Variants in PYGM observed in about 807,000 individuals in gnomAD.
The protein encoded by PYGM is glycogen phosphorylase, muscle form.
In PYGM, 81 loss-of-function variants were observed where a neutral mutation model predicts 99.3. The ratio of observed to expected loss-of-function variants is 0.82; its 90% CI spans 0.68 to 0.98. The LOEUF (loss-of-function observed/expected upper bound fraction) is 0.98, where lower values mean the gene tolerates loss of function less well. Ranked by LOEUF, PYGM falls within the 50% of genes least tolerant of loss-of-function variation. The probability of loss-of-function intolerance (pLI) is 0.00; values close to 1 mark genes in which losing one functional copy is unlikely to be tolerated. For synonymous variants in PYGM, 436 were observed against 451.5 expected (o/e 0.97, Z 0.44); for missense variants, 1,030 against 1,158.1 (o/e 0.89, Z 1.61).
Position 64,755,334 on chromosome 11 carries a change from T to G in PYGM, c.794A>C (p.Gln265Pro). Residue 265 changes from glutamine (Q) to proline (P), a missense_variant, in exon 7 of 20, where the codon CAG becomes CCG. Physicochemically the swap from Gln to Pro is moderately conservative, Grantham distance 76. Transcript: ENST00000164139. This position sits in a 1 kb window ranked among gnomAD's most constrained non-coding sequence, Gnocchi z 4.1. ...LKDFNVGGYI[Q>P]AVLDRNLAEN... is the part of the protein sequence containing the mutation. ...CGCCAGGTTTCGGTCCAACACAGCC[T>G]GGATGTAGCCACCGACATTGACTGA... The G allele has an allele frequency of 6.2e-7, 1 of 1,614,142 alleles. No homozygotes were observed. Among genetic ancestry groups the G allele is most frequent in the South Asian group, 1.1e-5 (1 of 91,082 alleles).
chr11:64,751,456 C>G lies in PYGM; in HGVS notation c.1838G>C (p.Gly613Ala). 1 of 1,614,122 alleles carries G rather than the reference C, an allele frequency of 6.2e-7. No individual in the cohort carries two copies. Among genetic ancestry groups the G allele is most frequent in the Non-Finnish European group, 8.5e-7 (1 of 1,180,030 alleles). Residue 613 changes from glycine to alanine, a missense_variant, in exon 16 of 20, where the codon GGG (glycine) becomes GCG (alanine). Coordinates refer to ENST00000164139, the MANE Select transcript of PYGM (RefSeq NM_005609.4). ...TVMIGGKAAP[G>A]YHMAKMIIRL... Reference sequence around the variant, plus strand: ...GATGATCATCTTGGCCATGTGGTACCCAGGTGCAGCCTGAGGGGACAAAGT... The same window carrying G: ...GATGATCATCTTGGCCATGTGGTACGCAGGTGCAGCCTGAGGGGACAAAGT...
rs2058375182 is a variant in PYGM, at chr11:64,753,889, C to T, written c.1229G>A (p.Arg410His). 3.8e-6 allele frequency: 6 copies of T among 1,578,028 alleles called. No homozygotes were observed. Among genetic ancestry groups the T allele is most frequent in the East Asian group, 2.3e-5 (1 of 43,072 alleles). Reference protein sequence around the residue: ...HLQIIYEINQRFLNRVAAAFP... With the variant: ...HLQIIYEINQHFLNRVAAAFP... Reference sequence around the variant, plus strand: ...AGCCTCCGGACTCACGTTGAGGAAGCGCTGGTTGATCTCGTAGATGATCTG... The same window carrying T: ...AGCCTCCGGACTCACGTTGAGGAAGTGCTGGTTGATCTCGTAGATGATCTG... Residue 410 changes from arginine to histidine, a missense_variant, in exon 10 of 20, where the codon CGC becomes CAC. Physicochemically the swap from Arg to His is conservative, Grantham distance 29. Coordinates refer to ENST00000164139, the MANE Select transcript of PYGM (RefSeq NM_005609.4).
In PYGM at chr11:64,757,880, C is replaced by T. The variant is rs757251754; in HGVS notation, c.559G>A (p.Gly187Ser). Reference protein sequence around the residue: ...MEEADDWLRYGNPWEKARPEF... With the variant: ...MEEADDWLRYSNPWEKARPEF... Reference sequence around the variant, plus strand: ...GGCCGGGCCTTCTCCCAGGGGTTGCCGTAGCGAAGCCAGTCATCGGCCTCC... The same window carrying T: ...GGCCGGGCCTTCTCCCAGGGGTTGCTGTAGCGAAGCCAGTCATCGGCCTCC... Residue 187 changes from glycine (G) to serine (S), a missense_variant, in exon 5 of 20, where the codon GGC (glycine) becomes AGC (serine). By Grantham distance (56) the Gly-to-Ser change is moderately conservative (BLOSUM62 0). Coordinates refer to ENST00000164139, the MANE Select transcript of PYGM (RefSeq NM_005609.4). The T allele has an allele frequency of 3.0e-5, 48 of 1,613,978 alleles. 1 individual carries two copies. The highest frequency in any genetic ancestry group is 2.9e-4 in the East Asian group (13 of 44,890).
intron 4 of PYGM, 131 bp downstream of exon 4, chr11:64,758,115 G>C (rs979512924): frequency 7.3e-7 from 1 of 1,362,962 alleles, no homozygotes; most frequent in Non-Finnish European, 1.0e-6. Flanking sequence ...TTTGGGTCGG[G>C]GGGTGGGGAG....
intron 14 of PYGM, 85 bp downstream of exon 14, chr11:64,751,839 A>G: frequency 6.3e-7 from 1 of 1,580,970 alleles, no homozygotes; most frequent in East Asian, 2.2e-5. Context: ...CCCAAGTCCA[A>G]AGGAGATGTT....
chr11:64,757,213 G>A (rs1344878995), intron 5 of PYGM, among the ~76,000 whole-genome samples: 1 of 152,032 alleles, frequency 6.6e-6, no homozygotes, highest in Non-Finnish European at 1.5e-5. Flanking sequence ...ATGACCCACT[G>A]CCCCAGTCTA....
intron 1 of PYGM, 55 bp from the exon 2 acceptor site, chr11:64,758,759 C>T: frequency 6.9e-7 from 1 of 1,449,794 alleles, no homozygotes; most frequent in South Asian, 1.1e-5. Context: ...CACCAACACT[C>T]AGCCAGGCCC....
chr11:64,759,720 A>C lies in PYGM; in HGVS notation c.179T>G (p.Val60Gly). 1.2e-6 allele frequency: 2 copies of C among 1,614,098 alleles called. No individual in the cohort carries two copies. Among genetic ancestry groups the C allele is most frequent in the African/African-American group, 2.7e-5 (2 of 75,022 alleles). ...RDYYFALAHTVRDHLVGRWIR... is the reference protein window; with the variant it reads ...RDYYFALAHTGRDHLVGRWIR... ...CCAGCGCCCCACGAGGTGGTCGCGC[A>C]CGGTATGGGCCAGAGCAAAGTAGTA... Residue 60 changes from valine (V) to glycine (G), a missense_variant, in exon 1 of 20, where the codon GTG (valine) becomes GGG (glycine). Val to Gly is a moderately radical substitution (Grantham distance 109). Transcript: ENST00000164139.
At chr11:64,749,213 G>A (rs2058335788) in intron 17 of PYGM, among the ~76,000 whole-genome samples, 1 of 151,698 alleles carries the variant, frequency 6.6e-6, no homozygotes, top group African/African-American at 2.4e-5. Context: ...TGGGCGTGGT[G>A]GTGGGTATCT....
chr11:64,746,948 G>T lies in PYGM; in HGVS notation c.2352C>A (p.Cys784Ter), dbSNP rs1057517001. 3.1e-6 allele frequency: 5 copies of T among 1,614,192 alleles called. No individual in the cohort carries two copies. The highest frequency in any genetic ancestry group is 4.2e-6 in the Non-Finnish European group (5 of 1,180,042). Residue 784 changes from cysteine to a stop codon, truncating the protein, a stop_gained, in exon 19 of 20, where the codon TGC becomes TGA. Coordinates refer to ENST00000164139, the MANE Select transcript of PYGM (RefSeq NM_005609.4). LOFTEE classifies it high-confidence loss of function. ...VFADYEDYIK[C>*]QEKVSALYKN... ...TGTACAAGGCGCTGACTTTCTCCTG[G>T]CATTTAATGTAGTCTTCATAATCTG... is the stretch of plus-strand genomic sequence containing the variant.
rs767068621 is a variant in PYGM, at chr11:64,751,448, T to C, written c.1846A>G (p.Met616Val). ...IGGKAAPGYH[M>V]AKMIIRLVTA... is the part of the protein sequence containing the mutation. ...ACGAGTCTGATGATCATCTTGGCCA[T>C]GTGGTACCCAGGTGCAGCCTGAGGG... Residue 616 changes from methionine to valine, a missense_variant, in exon 16 of 20, where the codon ATG becomes GTG. Coordinates refer to ENST00000164139, the MANE Select transcript of PYGM (RefSeq NM_005609.4). 4.4e-5 allele frequency: 71 copies of C among 1,613,994 alleles called. No individual in the cohort carries two copies. Among genetic ancestry groups the C allele is most frequent in the Non-Finnish European group, 5.7e-5 (67 of 1,180,020 alleles).
chr11:64,756,553 C>A (rs987802997), intron 5 of PYGM, among the ~76,000 whole-genome samples: 1 of 151,988 alleles, frequency 6.6e-6, no homozygotes, highest in Non-Finnish European at 1.5e-5. Flanking sequence ...TGGATTCAAG[C>A]GATTCTCTGG....
intron 15 of PYGM, 46 bp from the exon 16 acceptor site, chr11:64,751,512 C>T (rs1056289563): frequency 9.3e-6 from 15 of 1,614,036 alleles, no homozygotes; most frequent in Admixed American, 5.0e-5. Flanking sequence ...TGGCCCCCCA[C>T]CCCCTATCCT....
intron 17 of PYGM, 44 bp from the exon 18 acceptor site, chr11:64,747,402 T>G: frequency 6.2e-7 from 1 of 1,613,234 alleles, no homozygotes; most frequent in African/African-American, 1.3e-5. Context: ...AAGGGGTTCC[T>G]GGCTCCTCTT....
In PYGM at chr11:64,754,869, C is replaced by T. The variant is rs540278095; in HGVS notation, c.856-33G>A. On this transcript the variant is annotated intron_variant, in intron 7 of 19. Transcript: ENST00000164139. The surrounding 1 kb of genome is among the most constrained non-coding windows in gnomAD (Gnocchi z 5.5). ...CAGCATGAGGCAGCGTGAGTCAGGGCGGTGGGGGCATGGCCTAAAGCTGCG... is the reference window on the plus strand; with the variant it reads ...CAGCATGAGGCAGCGTGAGTCAGGGTGGTGGGGGCATGGCCTAAAGCTGCG... 11 of 1,611,730 alleles carry T rather than the reference C, an allele frequency of 6.8e-6. No homozygotes were observed. The highest frequency in any genetic ancestry group is 3.3e-5 in the South Asian group (3 of 90,946).
At position 64,753,391 on chromosome 11, in the gene PYGM, C is replaced by T. The variant is rs562029675; in HGVS notation, c.1403+128G>A. The T allele has an allele frequency of 1.7e-4, 232 of 1,359,088 alleles. No individual in the cohort carries two copies. The East Asian group carries it at 4.8e-3, about 28-fold the overall frequency. 84.2% of individuals were successfully genotyped at this position (1,359,088 alleles called of 1,614,324 possible). A position where few individuals can be genotyped will look rare whatever the true frequency, so the allele number is the denominator to read the frequency against. On this transcript the variant is annotated intron_variant, in intron 11 of 19. Coordinates refer to ENST00000164139, the MANE Select transcript of PYGM (RefSeq NM_005609.4). ...GGGGCTGCTGTGCTTGTAAGAATGA[C>T]GCCACCTGTGAAAGGCGCCAGGGCC...
rs571244371 is a variant in PYGM, at chr11:64,754,034, C to G, written c.1093-9G>C. The G allele has an allele frequency of 1.2e-5, 19 of 1,597,660 alleles. No homozygotes were observed. The highest frequency in any genetic ancestry group is 1.6e-5 in the Non-Finnish European group (19 of 1,172,150). On this transcript the variant is annotated splice_polypyrimidine_tract_variant and intron_variant, in intron 9 of 19. Coordinates refer to ENST00000164139, the MANE Select transcript of PYGM (RefSeq NM_005609.4). This position sits in a 1 kb window ranked among gnomAD's most constrained non-coding sequence, Gnocchi z 5.5. ...ACTGTCACATCCCACGCCTGGCACA[C>G]GGGGTGGGCAGTCAGGATGCTGACC...
intron 11 of PYGM, 73 bp from the exon 12 acceptor site, chr11:64,753,260 C>T: frequency 1.4e-6 from 2 of 1,422,298 alleles, no homozygotes; most frequent in African/African-American, 1.4e-5. Context: ...GGGCCCCTAC[C>T]CTGGTGTCTT....
chr11:64,750,707 T>C, intron 16 of PYGM, 124 bp from the exon 17 acceptor site: 1 of 861,390 alleles, frequency 1.2e-6, no homozygotes, highest in Non-Finnish European at 1.8e-6. Flanking sequence ...AAACTCCCAG[T>C]CTTCACCAGC....
Sources: allele counts gnomAD v4.1 joint callset (sites outside exome capture counted in the v4.1 genomes callset), GRCh38; gene constraint gnomAD v4.1.1; non-coding constraint Gnocchi (gnomAD v3.1); transcripts MANE v1.5; gene names NCBI Gene and HGNC (gene_info 2026-07-23, HGNC 2026-07-21).